The following TDRD9 variants were observed in gnomAD, a reference collection of about 807,000 sequenced individuals.
TDRD9 encodes the protein tudor domain containing 9.
Under a neutral mutation model 172.6 loss-of-function variants are expected in TDRD9, and 124 were observed. That is an observed-to-expected ratio of 0.72 (90% CI 0.62 to 0.83). TDRD9 has a LOEUF of 0.83. Ranked by LOEUF, TDRD9 falls within the 40% of genes least tolerant of loss-of-function variation. The pLI is 0.00. For synonymous variants in TDRD9, 619 were observed against 617.1 expected (o/e 1.00, Z -0.05); for missense variants, 1,479 against 1,714.1 (o/e 0.86, Z 2.42).
rs1337903690 is a variant in TDRD9, at chr14:104,005,136, T to TC, written c.1582-135dup. 14 of 707,262 alleles carry TC rather than the reference T, an allele frequency of 2.0e-5. No individual in the cohort carries two copies. The Admixed American group carries it at 3.7e-4, about 19-fold the overall frequency. 43.8% of individuals were successfully genotyped at this position (707,262 alleles called of 1,614,324 possible). A position where few individuals can be genotyped will look rare whatever the true frequency, so the allele number is the denominator to read the frequency against. On this transcript the variant is annotated intron_variant, in intron 14 of 35. Transcript: ENST00000409874. ...TTCTCTCTCCCTTCTCTTCTCTCCC[T>TC]CCCTCAATCCTCTCCATTTTTCTTT...
intron 2 of TDRD9, among the ~76,000 whole-genome samples, chr14:103,957,982 A>G (rs1056871552): frequency 6.6e-6 from 1 of 152,188 alleles, no homozygotes; most frequent in Non-Finnish European, 1.5e-5. Context: ...CAGTCGGATC[A>G]ACTATGGCTT....
Position 104,026,807 on chromosome 14 carries a change from C to T in TDRD9, c.3150C>T (p.Val1050=). ...LVSGCTLLVK[V]FSVVHSVLHV... ...GCGGCTGCACCCTCCTTGTGAAGGT[C>T]TTCTCTGTGGTGCACAGCGTCCTGC... Residue 1050 remains valine, a synonymous_variant, in exon 28 of 36, where the codon GTC becomes GTT. Coordinates refer to ENST00000409874, the MANE Select transcript of TDRD9 (RefSeq NM_153046.3). 1 of 1,614,040 alleles carries T rather than the reference C, an allele frequency of 6.2e-7. No individual in the cohort carries two copies. The highest frequency in any genetic ancestry group is 8.5e-7 in the Non-Finnish European group (1 of 1,179,902).
Position 103,994,355 on chromosome 14 carries a change from C to T in TDRD9, c.1204C>T (p.His402Tyr). The stretch of plus-strand genomic sequence containing the variant: ...AGGTCTGGGTGAAATAAATTATATG[C>T]ATGAACTTCTCACAAGCCTGGTTCA... Reference protein sequence around the residue: ...LPGLGEINYMHELLTSLVHKR... With the variant: ...LPGLGEINYMYELLTSLVHKR... The change falls in exon 10 of 36, where the codon CAT (histidine) becomes TAT (tyrosine). Residue 402 changes from histidine to tyrosine, a missense_variant. This residue lies in a region of TDRD9 where 1,413 missense variants were observed against 1,649.1 expected (regional missense o/e 0.86). Transcript: ENST00000409874. 1.2e-6 allele frequency: 2 copies of T among 1,613,640 alleles called. No homozygotes were observed. The highest frequency in any genetic ancestry group is 2.2e-5 in the South Asian group (2 of 91,066).
rs544615436 is a variant in TDRD9 at position 103,938,768 on chromosome 14, C to T, written c.215+10044C>T. Among the ~76,000 whole-genome samples the T allele has an allele frequency of 2.0e-5, 3 of 152,024 alleles. No individual in the cohort carries two copies. The South Asian group carries it at 6.2e-4, about 32-fold the overall frequency. On this transcript the variant is annotated intron_variant, in intron 1 of 35. Coordinates refer to ENST00000409874, the MANE Select transcript of TDRD9 (RefSeq NM_153046.3). Reference sequence around the variant, plus strand: ...TATATTTTCAATCCTGATTCCTTTGCCAGCTTTAGGTATTATAAATAGCCT... The same window carrying T: ...TATATTTTCAATCCTGATTCCTTTGTCAGCTTTAGGTATTATAAATAGCCT...
intron 2 of TDRD9, among the ~76,000 whole-genome samples, chr14:103,958,306 G>A (rs76544348): frequency 0.029 from 4,355 of 152,252 alleles, 132 homozygotes; most frequent in African/African-American, 0.075. Flanking sequence ...GGTGCAGGGA[G>A]GGAAATGTGT....
At chr14:103,962,166 T>C (rs892849514) in intron 2 of TDRD9, among the ~76,000 whole-genome samples, 1 of 152,186 alleles carries the variant, frequency 6.6e-6, no homozygotes, top group Non-Finnish European at 1.5e-5. Context: ...GTGTCATGTA[T>C]CCTGAGCAGA....
chr14:104,001,140 T>G (rs940548229), intron 13 of TDRD9, among the ~76,000 whole-genome samples: 1 of 152,212 alleles, frequency 6.6e-6, no homozygotes, highest in African/African-American at 2.4e-5. Context: ...TGTGTAAGTT[T>G]GTGTAACCAC....
chr14:103,971,973 A>G (rs1046337778), intron 6 of TDRD9, among the ~76,000 whole-genome samples: 4 of 152,184 alleles, frequency 2.6e-5, no homozygotes, highest in Admixed American at 2.6e-4. Flanking sequence ...CCTGGGCAAC[A>G]TGGTGAAACC....
rs1299084461 is a variant in TDRD9 at position 103,980,861 on chromosome 14, ACT to A, written c.1011+5311_1011+5312del. On this transcript the variant is annotated intron_variant, in intron 7 of 35. Transcript: ENST00000409874. The surrounding 1 kb of genome is among the most constrained non-coding windows in gnomAD (Gnocchi z 4.5). ...TGTCCGGGCATAACAGAAGGCTCGC[ACT>A]CTTGTCTTCTGGTCACTTCTCACTA... Among the ~76,000 whole-genome samples the A allele has an allele frequency of 6.6e-6, 1 of 151,676 alleles. No homozygotes were observed. The highest frequency in any genetic ancestry group is 2.4e-5 in the African/African-American group (1 of 41,248).
chr14:104,049,902 C>T lies in TDRD9; in HGVS notation c.4047+222C>T, dbSNP rs80086571. 7.0e-3 allele frequency: 3,499 copies of T among 503,040 alleles called. 96 individuals are homozygous for T. Among genetic ancestry groups the T allele is most frequent in the African/African-American group, 0.062 (3,199 of 51,746 alleles). The allele number at this position is 503,040 out of a possible 1,614,324, so 31.2% of individuals were successfully genotyped here. A position where few individuals can be genotyped will look rare whatever the true frequency, so the allele number is the denominator to read the frequency against. On this transcript the variant is annotated intron_variant, in intron 35 of 35. Coordinates refer to ENST00000409874, the MANE Select transcript of TDRD9 (RefSeq NM_153046.3). ...GATGTCCCGGCAAAGAGTCAGACACCAGGATAACTCACTGCCTGTGAGTTG... is the reference window on the plus strand; with the variant it reads ...GATGTCCCGGCAAAGAGTCAGACACTAGGATAACTCACTGCCTGTGAGTTG...
intron 1 of TDRD9, among the ~76,000 whole-genome samples, chr14:103,931,974 G>T (rs1231533052): frequency 6.6e-6 from 1 of 152,254 alleles, no homozygotes; most frequent in East Asian, 1.9e-4. Context: ...GGGTACCTCA[G>T]TCCTACAATT....
At chr14:104,004,453 T>C in intron 14 of TDRD9, 118 bp downstream of exon 14, 1 of 536,244 alleles carries the variant, frequency 1.9e-6, no homozygotes, top group Non-Finnish European at 3.3e-6. Context: ...TGATCTTGGC[T>C]CACTGCAATC....
At chr14:104,004,676 A>T (rs569377152) in intron 14 of TDRD9, among the ~76,000 whole-genome samples, 1 of 152,198 alleles carries the variant, frequency 6.6e-6, no homozygotes, top group South Asian at 2.1e-4. Flanking sequence ...AGTTTTGCCA[A>T]ATAGTCTAAG....
Position 103,955,661 on chromosome 14 carries a change from C to G in TDRD9, c.216-3C>G. ...GTATACTAACTTTTACTATTCTTTT[C>G]AGGTCACTCAGCCAAAGGAGCTCAG... is the stretch of plus-strand genomic sequence containing the variant. On this transcript the variant is annotated splice_region_variant and splice_polypyrimidine_tract_variant and intron_variant, in intron 1 of 35. Coordinates refer to ENST00000409874, the MANE Select transcript of TDRD9 (RefSeq NM_153046.3). 6.5e-7 allele frequency: 1 copy of G among 1,548,664 alleles called. No individual in the cohort carries two copies. The highest frequency in any genetic ancestry group is 1.2e-5 in the South Asian group (1 of 83,736).
At chr14:103,990,899 A>G (rs187236832) in intron 8 of TDRD9, among the ~76,000 whole-genome samples, 133 of 152,364 alleles carry the variant, frequency 8.7e-4, no homozygotes, top group African/African-American at 3.1e-3. Flanking sequence ...ACTAAATTTC[A>G]AGGAAAACTT....
chr14:103,966,326 GT>G (rs1407779334), intron 4 of TDRD9, among the ~76,000 whole-genome samples: 9 of 152,276 alleles, frequency 5.9e-5, no homozygotes, highest in Admixed American at 4.6e-4. Flanking sequence ...GTGAGACTCT[GT>G]TTCGAAAAGA....
chr14:103,998,553 A>T, intron 12 of TDRD9, 71 bp from the exon 13 acceptor site: 1 of 869,222 alleles, frequency 1.2e-6, no homozygotes, highest in Admixed American at 1.9e-5. Context: ...CTTTATCACT[A>T]TGCATTGTGA....
intron 20 of TDRD9, 66 bp downstream of exon 20, chr14:104,008,532 C>A: frequency 9.3e-7 from 1 of 1,077,372 alleles, no homozygotes; most frequent in Non-Finnish European, 1.4e-6. Context: ...TATTAAATGA[C>A]AACAATATTT....
chr14:104,006,820 G>T lies in TDRD9; in HGVS notation c.1982G>T (p.Cys661Phe). 6.2e-7 allele frequency: 1 copy of T among 1,613,280 alleles called. No homozygotes were observed. Among genetic ancestry groups the T allele is most frequent in the Non-Finnish European group, 8.5e-7 (1 of 1,179,534 alleles). Residue 661 changes from cysteine (C) to phenylalanine (F), a missense_variant, in exon 18 of 36, where the codon TGT (cysteine) becomes TTT (phenylalanine). Physicochemically the swap from Cys to Phe is radical, Grantham distance 205. Coordinates refer to ENST00000409874, the MANE Select transcript of TDRD9 (RefSeq NM_153046.3). ...VNFSGSSKSD[C>F]IALVEAFKTW... ...TTCTCTGGCAGTAGCAAGAGTGACT[G>T]TATTGCACTTGTTGAGGCATTTAAA...
Sources: allele counts gnomAD v4.1 joint callset (sites outside exome capture counted in the v4.1 genomes callset), GRCh38; gene constraint gnomAD v4.1.1; regional missense constraint gnomAD v4.1.1; non-coding constraint Gnocchi (gnomAD v3.1); transcripts MANE v1.5; gene names NCBI Gene and HGNC (gene_info 2026-07-23, HGNC 2026-07-21).